Variants in DPP6 observed in about 807,000 individuals in gnomAD.
DPP6 encodes A-type potassium channel modulatory protein DPP6.
DPP6 carries 69 observed loss-of-function variants against 122.6 expected under a neutral mutation model. The observed-to-expected ratio is 0.56, with a 90% CI of 0.46 to 0.69. DPP6 has a LOEUF of 0.69. Among genes scored for constraint, DPP6 ranks in the 30% least tolerant of loss-of-function variants. The probability of loss-of-function intolerance (pLI) is 0.00; values close to 1 mark genes in which losing one functional copy is unlikely to be tolerated. For missense variants in DPP6, 928 were observed against 1,116.9 expected, an observed-to-expected ratio of 0.83 and a Z score of 2.41; for synonymous variants, 418 against 433.1, an observed-to-expected ratio of 0.97 and a Z score of 0.43.
At chr7:153,830,119 T>C in the DPP6 span, among the ~76,000 whole-genome samples, 1 of 152,250 alleles carries the variant, frequency 6.6e-6, no homozygotes, top group Non-Finnish European at 1.5e-5. Flanking sequence ...ACTTGTCTCC[T>C]GGTTACAGCT....
intron 3 of DPP6, among the ~76,000 whole-genome samples, chr7:154,523,497 T>C (rs1455608569): frequency 6.6e-6 from 1 of 152,214 alleles, no homozygotes; most frequent in East Asian, 1.9e-4. Flanking sequence ...AAAACGACCA[T>C]AATCCCCAAA....
chr7:153,809,606 G>A, the DPP6 span, among the ~76,000 whole-genome samples: 1 of 152,132 alleles, frequency 6.6e-6, no homozygotes, highest in Non-Finnish European at 1.5e-5. Flanking sequence ...TTTCCTTGGT[G>A]CAGTGTTGGT....
intron 1 of DPP6, among the ~76,000 whole-genome samples, chr7:154,054,611 C>T (rs545116888): frequency 7.9e-4 from 120 of 152,084 alleles, no homozygotes; most frequent in Non-Finnish European, 1.4e-3. Flanking sequence ...CTTTGGTGGG[C>T]CAAGCCCTGA....
chr7:154,840,647 C>T (rs1801452368), intron 16 of DPP6, among the ~76,000 whole-genome samples: 1 of 152,220 alleles, frequency 6.6e-6, no homozygotes, highest in African/African-American at 2.4e-5. Context: ...ACGTTCCAGA[C>T]TCATACGGAA....
chr7:154,799,591 G>T (rs566028537), intron 12 of DPP6, among the ~76,000 whole-genome samples: 5 of 152,264 alleles, frequency 3.3e-5, no homozygotes, highest in Non-Finnish European at 5.9e-5. Flanking sequence ...GGGCTGGAAG[G>T]GGGGTTGGAC....
rs773781517 is a variant in DPP6, at chr7:154,618,631, C to G, written c.628-19190C>G. Among the ~76,000 whole-genome samples, 1 of 152,158 alleles carries G rather than the reference C, an allele frequency of 6.6e-6. No homozygotes were observed. Among genetic ancestry groups the G allele is most frequent in the Non-Finnish European group, 1.5e-5 (1 of 68,030 alleles). ...AGCCACGCACAGGATCGCTAGAAGC[C>G]GGGGCCACAGCCCAGCTTCCACCCT... On this transcript the variant is annotated intron_variant, in intron 5 of 25. Transcript: ENST00000377770. This position sits in a 1 kb window ranked among gnomAD's most constrained non-coding sequence, Gnocchi z 4.1.
intron 1 of DPP6, among the ~76,000 whole-genome samples, chr7:154,177,151 G>A (rs191580311): frequency 2.0e-5 from 3 of 152,120 alleles, no homozygotes; most frequent in East Asian, 1.9e-4. Context: ...TTTTCTATTC[G>A]CTGGGGAGTA....
intron 1 of DPP6, among the ~76,000 whole-genome samples, chr7:153,989,589 C>T (rs1394405236): frequency 1.3e-5 from 2 of 151,832 alleles, no homozygotes; most frequent in Admixed American, 1.3e-4. Flanking sequence ...ACCCCAGCTG[C>T]GGTCCAGGGA....
chr7:154,662,416 C>T (rs190109931), intron 6 of DPP6, among the ~76,000 whole-genome samples: 1 of 123,150 alleles, frequency 8.1e-6, no homozygotes, highest in African/African-American at 2.9e-5. Flanking sequence ...ATCACCATGG[C>T]GTATCGGCTG....
rs539623913 is a variant in DPP6 at position 154,726,115 on chromosome 7, T to C, written c.763-1652T>C. Among the ~76,000 whole-genome samples the C allele has an allele frequency of 1.3e-4, 20 of 152,308 alleles. No homozygotes were observed. In the South Asian group the frequency reaches 3.7e-3, roughly 28 times the overall value. On this transcript the variant is annotated intron_variant, in intron 7 of 25. Transcript: ENST00000377770. ...CCTCAGCTGCTTTCACAGGGTGGCATTGAGTGCCTGGGGCTTTTCCAGATG... is the reference window on the plus strand; with the variant it reads ...CCTCAGCTGCTTTCACAGGGTGGCACTGAGTGCCTGGGGCTTTTCCAGATG...
intron 17 of DPP6, among the ~76,000 whole-genome samples, chr7:154,865,708 T>C (rs1803809015): frequency 1.3e-5 from 2 of 152,200 alleles, no homozygotes; most frequent in African/African-American, 4.8e-5. Context: ...TTTCCAACTC[T>C]TACCGTTCAA....
At chr7:153,966,554 CTTT>C (rs753840054) in intron 1 of DPP6, among the ~76,000 whole-genome samples, 8 of 41,354 alleles carry the variant, frequency 1.9e-4, no homozygotes, top group African/African-American at 1.0e-3. Context: ...CCTGTGTTGG[CTTT>C]TTTTTTTTTT....
chr7:154,131,227 C>G (rs1007027234), intron 1 of DPP6, among the ~76,000 whole-genome samples: 1 of 152,058 alleles, frequency 6.6e-6, no homozygotes, highest in African/African-American at 2.4e-5. Context: ...GATTTAGAAG[C>G]TATTTTAAGC....
At chr7:154,647,969 G>C (rs1836602749) in intron 6 of DPP6, among the ~76,000 whole-genome samples, 1 of 152,072 alleles carries the variant, frequency 6.6e-6, no homozygotes, top group African/African-American at 2.4e-5. Context: ...CACTGAGCCT[G>C]GCCGGGCACA....
rs1316641497 is a variant in DPP6 at position 154,063,207 on chromosome 7, G to A, written c.243+10144G>A. On this transcript the variant is annotated intron_variant, in intron 1 of 25. Coordinates refer to ENST00000377770, the MANE Select transcript of DPP6 (RefSeq NM_130797.4). ...GTACCCCCATCGCAGGGTTGGGGAG[G>A]CACCCCCCCGCGAGGCAGGGACTGA... Among the ~76,000 whole-genome samples the A allele has an allele frequency of 1.6e-5, 2 of 122,948 alleles. 1 individual carries two copies. The highest frequency in any genetic ancestry group is 6.1e-5 in the African/African-American group (2 of 32,758). The allele number at this position is 122,948 out of a possible 152,430, so 80.7% of individuals were successfully genotyped here.
At chr7:154,302,314 C>A (rs951960140) in intron 1 of DPP6, among the ~76,000 whole-genome samples, 3 of 152,194 alleles carry the variant, frequency 2.0e-5, no homozygotes, top group African/African-American at 7.2e-5. Context: ...TTTCTCTTGG[C>A]ATCTTTCCTC....
At chr7:154,060,061 C>T (rs11978403) in intron 1 of DPP6, among the ~76,000 whole-genome samples, 3,987 of 146,064 alleles carry the variant, frequency 0.027, 6 homozygotes, top group African/African-American at 0.1. Flanking sequence ...AACCCCTCTT[C>T]CCCCCCTGGC....
chr7:154,216,033 C>T (rs759922795), intron 1 of DPP6, among the ~76,000 whole-genome samples: 1 of 152,062 alleles, frequency 6.6e-6, no homozygotes, highest in African/African-American at 2.4e-5. Context: ...CCTCTTTTTC[C>T]CTTCCTCTGC....
intron 1 of DPP6, among the ~76,000 whole-genome samples, chr7:154,342,729 A>T (rs955361234): frequency 6.6e-6 from 1 of 152,188 alleles, no homozygotes; most frequent in Non-Finnish European, 1.5e-5. Flanking sequence ...ATTTAAGGAA[A>T]CCATAAATGA....
Sources: allele counts gnomAD v4.1 joint callset (sites outside exome capture counted in the v4.1 genomes callset), GRCh38; gene constraint gnomAD v4.1.1; non-coding constraint Gnocchi (gnomAD v3.1); transcripts MANE v1.5; gene names NCBI Gene and HGNC (gene_info 2026-07-23, HGNC 2026-07-21).